The following COL5A2 variants were observed in gnomAD, a reference collection of about 807,000 sequenced individuals.
COL5A2 encodes collagen alpha-2(V) chain.
In COL5A2, 23 loss-of-function variants were observed where a neutral mutation model predicts 208.2. That is an observed-to-expected ratio of 0.11 (90% CI 0.08 to 0.16). The LOEUF is 0.16. Ranked by LOEUF, COL5A2 falls within the 10% of genes least tolerant of loss-of-function variation. The pLI is 1.00. For synonymous variants in COL5A2, 625 were observed against 628.5 expected, an observed-to-expected ratio of 0.99 and a Z score of 0.08; for missense variants, 1,590 against 1,956.4, an observed-to-expected ratio of 0.81 and a Z score of 3.53.
the COL5A2 span, among the ~76,000 whole-genome samples, chr2:189,241,871 G>A: frequency 1.3e-5 from 2 of 152,080 alleles, no homozygotes; most frequent in Admixed American, 6.5e-5. Context: ...GTACTTTGCT[G>A]GTACCAGGTA....
intron 53 of COL5A2, 86 bp downstream of exon 53, chr2:189,034,830 C>T (rs1387904272): frequency 5.9e-6 from 9 of 1,521,144 alleles, no homozygotes; most frequent in Non-Finnish European, 7.3e-6. Flanking sequence ...GGTAAAATTG[C>T]CCCCAGTTCT....
chr2:189,413,353 CAAGT>C, the COL5A2 span, among the ~76,000 whole-genome samples: 3 of 152,054 alleles, frequency 2.0e-5, no homozygotes, highest in Non-Finnish European at 2.9e-5. Flanking sequence ...TCACTCATCC[CAAGT>C]AAGTAATTTA....
rs1343533616 is a variant in COL5A2 at position 189,092,368 on chromosome 2, G to A, written c.509C>T (p.Pro170Leu). The change falls in exon 7 of 54, where the codon CCT becomes CTT. Residue 170 changes from proline (P) to leucine (L), a missense_variant. By Grantham distance (98) the Pro-to-Leu change is moderately conservative. Coordinates refer to ENST00000374866, the MANE Select transcript of COL5A2 (RefSeq NM_000393.5). ...IDGEPGVPGQ[P>L]GAPGPPGHPS... ...ATGTCCAGGAGGTCCTGGAGCACCAGGTTGACCAGGAACACCTGGTTCTCC... is the reference window on the plus strand; with the variant it reads ...ATGTCCAGGAGGTCCTGGAGCACCAAGTTGACCAGGAACACCTGGTTCTCC... 6.2e-7 allele frequency: 1 copy of A among 1,609,180 alleles called. No individual in the cohort carries two copies. Among genetic ancestry groups the A allele is most frequent in the Non-Finnish European group, 8.5e-7 (1 of 1,177,742 alleles).
At chr2:189,387,957 G>T in the COL5A2 span, among the ~76,000 whole-genome samples, 25,537 of 152,052 alleles carry the variant, frequency 0.17, 2,261 homozygotes, top group South Asian at 0.21. Context: ...CCTAATTTTT[G>T]TATTTTTTGT....
chr2:189,238,186 T>A, the COL5A2 span, among the ~76,000 whole-genome samples: 20 of 149,834 alleles, frequency 1.3e-4, no homozygotes, highest in Admixed American at 6.6e-5. Flanking sequence ...GTGATAAATA[T>A]GTCATAAATA....
chr2:189,256,596 T>G, the COL5A2 span, among the ~76,000 whole-genome samples: 1 of 152,190 alleles, frequency 6.6e-6, no homozygotes, highest in Non-Finnish European at 1.5e-5. Flanking sequence ...AATTCAAAAG[T>G]TTATATTTAG....
At chr2:189,411,200 C>A in the COL5A2 span, among the ~76,000 whole-genome samples, 2 of 152,244 alleles carry the variant, frequency 1.3e-5, no homozygotes, top group Non-Finnish European at 2.9e-5. Flanking sequence ...ATCACCTTCT[C>A]TGTAAAGTCT....
intron 7 of COL5A2, 124 bp downstream of exon 7, chr2:189,092,186 C>T: frequency 2.7e-6 from 2 of 732,874 alleles, no homozygotes; most frequent in South Asian, 1.5e-5. Flanking sequence ...GCAGTGTTGA[C>T]CTTATTTAAC....
At chr2:189,063,333 A>G in intron 26 of COL5A2, 63 bp from the exon 27 acceptor site, 2 of 1,307,536 alleles carry the variant, frequency 1.5e-6, no homozygotes. Flanking sequence ...AGCATCACCC[A>G]AAGTGTCACC....
At chr2:189,326,359 T>G in the COL5A2 span, among the ~76,000 whole-genome samples, 2 of 151,800 alleles carry the variant, frequency 1.3e-5, no homozygotes, top group Non-Finnish European at 2.9e-5. Flanking sequence ...GAAAGAAAAT[T>G]TTAAAGAGAT....
the COL5A2 span, among the ~76,000 whole-genome samples, chr2:189,341,945 C>T: frequency 1.9e-4 from 29 of 152,064 alleles, no homozygotes; most frequent in Middle Eastern, 3.4e-3. Flanking sequence ...ACAGTCTTTC[C>T]GTATTATCTA....
chr2:189,410,327 T>C, the COL5A2 span, among the ~76,000 whole-genome samples: 1 of 152,116 alleles, frequency 6.6e-6, no homozygotes, highest in African/African-American at 2.4e-5. Context: ...CCCAGAGCTT[T>C]CAGAGGCCAA....
At chr2:189,226,876 G>A (rs1267519333), upstream of COL5A2, among the ~76,000 whole-genome samples, 7 of 152,120 alleles carry the variant, frequency 4.6e-5, no homozygotes, top group African/African-American at 1.7e-4. Context: ...GAGCCAACAA[G>A]AATATAAAAG....
chr2:189,239,847 G>A, the COL5A2 span, among the ~76,000 whole-genome samples: 2 of 152,082 alleles, frequency 1.3e-5, no homozygotes, highest in Admixed American at 1.3e-4. Context: ...GGACCTAGAA[G>A]TTAGAGAAGA....
At chr2:189,105,917 C>T (rs1687139923) in intron 2 of COL5A2, among the ~76,000 whole-genome samples, 1 of 151,332 alleles carries the variant, frequency 6.6e-6, no homozygotes, top group South Asian at 2.1e-4. Context: ...TTCTTCTTTT[C>T]TCCACTGCTA....
intron 1 of COL5A2, among the ~76,000 whole-genome samples, chr2:189,175,380 C>T (rs1688655960): frequency 1.3e-5 from 2 of 151,850 alleles, no homozygotes; most frequent in Non-Finnish European, 2.9e-5. Flanking sequence ...GCTGGAGCTT[C>T]AGCAGCCATT....
intron 1 of COL5A2, among the ~76,000 whole-genome samples, chr2:189,150,086 G>A (rs1208473246): frequency 1.3e-5 from 2 of 152,034 alleles, no homozygotes; most frequent in East Asian, 3.9e-4. Flanking sequence ...TTATGTATGA[G>A]GTCAATATGG....
At chr2:189,255,173 T>C in the COL5A2 span, among the ~76,000 whole-genome samples, 1 of 152,170 alleles carries the variant, frequency 6.6e-6, no homozygotes, top group Non-Finnish European at 1.5e-5. Context: ...AATGCAAACA[T>C]AAGTTCCAAG....
chr2:189,179,470 G>A, intron 1 of COL5A2, 38 bp downstream of exon 1: 1 of 1,598,748 alleles, frequency 6.3e-7, no homozygotes, highest in Non-Finnish European at 8.5e-7. Context: ...CCCAAACCGT[G>A]CAATAAACAC....
Sources: gnomAD v4.1 joint callset for allele counts (sites outside exome capture counted in the v4.1 genomes callset) on GRCh38, gnomAD v4.1.1 for gene constraint, MANE v1.5 for transcripts, NCBI Gene and HGNC (gene_info 2026-07-23, HGNC 2026-07-21) for gene names.